Variants in CD109 observed in about 807,000 individuals in gnomAD.
The protein encoded by CD109 is CD109 molecule.
Under a neutral mutation model 165.8 loss-of-function variants are expected in CD109, and 149 were observed. That is an observed-to-expected ratio of 0.90 (90% confidence interval 0.79 to 1.03). The LOEUF (loss-of-function observed/expected upper bound fraction) is 1.03. CD109 is among the 50% of genes least tolerant of loss of function. The probability of loss-of-function intolerance (pLI) is 0.00; values close to 1 mark genes in which losing one functional copy is unlikely to be tolerated. For synonymous variants in CD109, 585 were observed against 592.1 expected (o/e 0.99, Z 0.18); for missense variants, 1,712 against 1,677.8 (o/e 1.02, Z -0.36).
chr6:73,718,588 TCA>T (rs1353507756), intron 2 of CD109, among the ~76,000 whole-genome samples: 1 of 152,022 alleles, frequency 6.6e-6, no homozygotes, highest in African/African-American at 2.4e-5. Context: ...TTTTTTATAT[TCA>T]GAGTCAGTGC....
chr6:73,772,925 A>G (rs1478201154), intron 15 of CD109, among the ~76,000 whole-genome samples: 2 of 150,780 alleles, frequency 1.3e-5, no homozygotes, highest in Admixed American at 6.6e-5. Flanking sequence ...TTTTTTTACA[A>G]CCAGTTGGTC....
intron 18 of CD109, 22 bp from the exon 19 acceptor site, chr6:73,783,685 A>T (rs778664690): frequency 7.5e-7 from 1 of 1,329,394 alleles, no homozygotes; most frequent in South Asian, 1.2e-5. Flanking sequence ...TGTGATGTTT[A>T]TATTTATTAT....
intron 7 of CD109, among the ~76,000 whole-genome samples, chr6:73,762,025 C>T (rs549856484): frequency 5.3e-5 from 8 of 152,034 alleles, no homozygotes; most frequent in South Asian, 2.1e-4. Flanking sequence ...TGCAGTGATG[C>T]GATCTCGGCT....
intron 15 of CD109, among the ~76,000 whole-genome samples, chr6:73,772,077 T>C (rs576806962): frequency 1.3e-5 from 2 of 152,352 alleles, no homozygotes; most frequent in Admixed American, 1.3e-4. Flanking sequence ...TTCATTTTCA[T>C]ACTACATTTT....
At chr6:73,769,722 C>T (rs1302829531) in intron 14 of CD109, among the ~76,000 whole-genome samples, 2 of 152,174 alleles carry the variant, frequency 1.3e-5, no homozygotes, top group Admixed American at 6.5e-5. Flanking sequence ...AAATCATCCA[C>T]ACAGAAGTGC....
intron 2 of CD109, among the ~76,000 whole-genome samples, chr6:73,708,860 T>C (rs1466692395): frequency 6.6e-6 from 1 of 152,204 alleles, no homozygotes; most frequent in Non-Finnish European, 1.5e-5. Context: ...GTTTTTTTTC[T>C]TGTAAATTTG....
intron 2 of CD109, among the ~76,000 whole-genome samples, chr6:73,714,935 A>G (rs1252621667): frequency 2.0e-5 from 3 of 152,220 alleles, no homozygotes; most frequent in South Asian, 4.1e-4. Flanking sequence ...AACTTTTACT[A>G]TAATCAAAGA....
intron 5 of CD109, among the ~76,000 whole-genome samples, chr6:73,753,014 C>A (rs1773250453): frequency 6.6e-6 from 1 of 152,118 alleles, no homozygotes; most frequent in Non-Finnish European, 1.5e-5. Flanking sequence ...GAACACTGAA[C>A]AATTTGGAAA....
chr6:73,690,329 T>A, the CD109 span, among the ~76,000 whole-genome samples: 2 of 152,216 alleles, frequency 1.3e-5, no homozygotes, highest in Admixed American at 1.3e-4. Flanking sequence ...AAAGGCGAAG[T>A]TTCTGAGCCA....
At chr6:73,807,141 T>C in intron 25 of CD109, 69 bp downstream of exon 25, 1 of 1,122,002 alleles carries the variant, frequency 8.9e-7, no homozygotes, top group Admixed American at 1.9e-5. Context: ...ATGGGTCAAA[T>C]ATGTGTGTGG....
intron 21 of CD109, among the ~76,000 whole-genome samples, chr6:73,787,941 C>T (rs1474092785): frequency 2.6e-5 from 4 of 152,144 alleles, no homozygotes; most frequent in African/African-American, 9.7e-5. Context: ...TTAATCTCCC[C>T]CTCTTTGGAT....
chr6:73,798,788 T>C (rs905029251), intron 23 of CD109, among the ~76,000 whole-genome samples: 5 of 152,106 alleles, frequency 3.3e-5, no homozygotes, highest in Non-Finnish European at 1.5e-5. Flanking sequence ...ACTGATCTCA[T>C]CTCCATGATC....
intron 15 of CD109, 118 bp from the exon 16 acceptor site, chr6:73,780,306 A>G (rs1486965949): frequency 1.3e-6 from 1 of 747,036 alleles, no homozygotes; most frequent in East Asian, 2.5e-5. Context: ...TTACTCCTCA[A>G]TTTGTGTCAT....
chr6:73,758,689 C>G (rs575628679), intron 6 of CD109, among the ~76,000 whole-genome samples: 1 of 152,192 alleles, frequency 6.6e-6, no homozygotes, highest in Non-Finnish European at 1.5e-5. Context: ...AGCCTCATAC[C>G]TTAATTATAT....
intron 2 of CD109, among the ~76,000 whole-genome samples, chr6:73,699,554 T>A (rs1363423970): frequency 6.6e-6 from 1 of 152,180 alleles, no homozygotes; most frequent in Non-Finnish European, 1.5e-5. Context: ...CTCTTTTTTT[T>A]TGCAACAAAT....
intron 2 of CD109, among the ~76,000 whole-genome samples, chr6:73,719,681 T>C (rs1771873581): frequency 6.6e-6 from 1 of 152,216 alleles, no homozygotes; most frequent in Non-Finnish European, 1.5e-5. Context: ...ATGGATGGTA[T>C]TCTCAATTCC....
At chr6:73,693,310 CAA>C (rs1169255786), upstream of CD109, among the ~76,000 whole-genome samples, 2 of 152,192 alleles carry the variant, frequency 1.3e-5, no homozygotes, top group African/African-American at 2.4e-5. Context: ...AGAGAGGAAA[CAA>C]GAGAAGCAGG....
At chr6:73,709,557 TGG>T (rs907664632) in intron 2 of CD109, among the ~76,000 whole-genome samples, 24 of 152,172 alleles carry the variant, frequency 1.6e-4, no homozygotes, top group African/African-American at 5.6e-4. Context: ...GGTAGCTTGA[TGG>T]GGATGGCATT....
upstream of CD109, chr6:73,696,124 A>C: frequency 8.0e-7 from 1 of 1,248,370 alleles, no homozygotes; most frequent in Non-Finnish European, 1.1e-6. Flanking sequence ...ATTAAGAGGG[A>C]AAAAAAATCA....
Sources: gnomAD v4.1 joint callset for allele counts (sites outside exome capture counted in the v4.1 genomes callset) on GRCh38, gnomAD v4.1.1 for gene constraint, MANE v1.5 for transcripts, NCBI Gene and HGNC (gene_info 2026-07-23, HGNC 2026-07-21) for gene names.